Variants in OSBP2 observed in about 807,000 individuals in gnomAD.
The protein encoded by OSBP2 is oxysterol binding protein 2, also known as oxysterol-binding protein 2.
OSBP2 carries 66 observed loss-of-function variants against 96.0 expected under a neutral mutation model. That is an observed-to-expected ratio of 0.69 (90% CI 0.56 to 0.84). The LOEUF is 0.84. Among genes scored for constraint, OSBP2 ranks in the 40% least tolerant of loss-of-function variants. OSBP2 has a pLI of 0.00. For missense variants in OSBP2, 1,038 were observed against 1,222.7 expected (o/e 0.85, Z 2.25); for synonymous variants, 525 against 520.9 (o/e 1.01, Z -0.11).
intron 2 of OSBP2, among the ~76,000 whole-genome samples, chr22:30,779,046 A>T (rs1212128674): frequency 1.3e-5 from 2 of 151,624 alleles, no homozygotes; most frequent in Non-Finnish European, 2.9e-5. Flanking sequence ...AAAAAAAAAA[A>T]ATACTGATTT....
intron 2 of OSBP2, among the ~76,000 whole-genome samples, chr22:30,867,972 C>T (rs750096784): frequency 2.2e-4 from 33 of 152,236 alleles, no homozygotes; most frequent in Non-Finnish European, 4.6e-4. Flanking sequence ...TGGAAGATGA[C>T]GTGTGCCTCA....
rs149347419 is a variant in OSBP2 at position 30,743,417 on chromosome 22, C to T, written c.853+2048C>T. Among the ~76,000 whole-genome samples, 476 of 152,296 alleles carry T rather than the reference C, an allele frequency of 3.1e-3. 4 individuals carry two copies. The highest frequency in any genetic ancestry group is 5.8e-3 in the Non-Finnish European group (397 of 68,032). On this transcript the variant is annotated intron_variant, in intron 2 of 13. Coordinates refer to ENST00000332585, the MANE Select transcript of OSBP2 (RefSeq NM_030758.4). ...GAGGTGTCAGCACTCATGTAGCTCT[C>T]GTATGTCAGCAATGATGCTGAGCTT... is the stretch of plus-strand genomic sequence containing the variant.
intron 2 of OSBP2, among the ~76,000 whole-genome samples, chr22:30,823,830 G>A (rs1045932571): frequency 6.6e-6 from 1 of 152,228 alleles, no homozygotes; most frequent in Non-Finnish European, 1.5e-5. Context: ...TGGTTTTAGA[G>A]GATTGGTCTT....
At chr22:30,701,634 C>T (rs773758058) in intron 1 of OSBP2, among the ~76,000 whole-genome samples, 13 of 152,144 alleles carry the variant, frequency 8.5e-5, no homozygotes, top group African/African-American at 2.9e-4. Context: ...TGAGCCACCA[C>T]GCCCAGCCTT....
chr22:30,696,953 C>T (rs925684284), intron 1 of OSBP2, among the ~76,000 whole-genome samples: 5 of 152,046 alleles, frequency 3.3e-5, no homozygotes, highest in East Asian at 3.9e-4. Context: ...GCCACCACAC[C>T]GGCCTCTCCT....
chr22:30,767,550 T>C (rs1331102599), intron 2 of OSBP2, among the ~76,000 whole-genome samples: 1 of 151,906 alleles, frequency 6.6e-6, no homozygotes, highest in Non-Finnish European at 1.5e-5. Flanking sequence ...AATTCCTTTT[T>C]TTTTTTTTTT....
intron 2 of OSBP2, among the ~76,000 whole-genome samples, chr22:30,858,521 C>G (rs1271637542): frequency 6.6e-6 from 1 of 151,902 alleles, no homozygotes; most frequent in African/African-American, 2.4e-5. Context: ...CTGGACTCTT[C>G]CTAACCCCAC....
intron 1 of OSBP2, among the ~76,000 whole-genome samples, chr22:30,733,828 G>A (rs2089814762): frequency 1.3e-5 from 2 of 152,292 alleles, no homozygotes; most frequent in East Asian, 1.9e-4. Flanking sequence ...GAGAATCGGT[G>A]TAGTTAACTT....
At chr22:30,900,241 C>T (rs1297465186) in intron 12 of OSBP2, among the ~76,000 whole-genome samples, 7 of 146,964 alleles carry the variant, frequency 4.8e-5, no homozygotes, top group Non-Finnish European at 8.9e-5. Flanking sequence ...GCAACAAGAG[C>T]GAAACTCCAT....
intron 2 of OSBP2, among the ~76,000 whole-genome samples, chr22:30,768,456 C>T (rs2090305753): frequency 6.6e-6 from 1 of 152,126 alleles, no homozygotes; most frequent in Non-Finnish European, 1.5e-5. Context: ...GCGGGCAGAT[C>T]ACCTGAGGTC....
At chr22:30,749,733 A>G (rs1003225902) in intron 2 of OSBP2, among the ~76,000 whole-genome samples, 10 of 152,032 alleles carry the variant, frequency 6.6e-5, no homozygotes, top group South Asian at 4.1e-4. Flanking sequence ...TCAACCCTCC[A>G]AGTATCTGAG....
intron 2 of OSBP2, among the ~76,000 whole-genome samples, chr22:30,861,070 C>T (rs557338048): frequency 1.3e-5 from 2 of 152,186 alleles, no homozygotes; most frequent in South Asian, 2.1e-4. Flanking sequence ...CCTGGTTCCC[C>T]CAGTGAAAGG....
At chr22:30,902,123 AACGAAAAAAAAAAAAC>A (rs1489201237) in intron 12 of OSBP2, 6,183 of 211,900 alleles carry the variant, frequency 0.029, 20 homozygotes, top group East Asian at 0.061. Context: ...AAAAAAAAAA[AACGAAAAAAAAAAAAC>A]CAAAAAAAAA....
intron 2 of OSBP2, among the ~76,000 whole-genome samples, chr22:30,791,617 G>A (rs918283760): frequency 1.3e-5 from 2 of 152,130 alleles, no homozygotes; most frequent in African/African-American, 2.4e-5. Flanking sequence ...GAGAGCCACC[G>A]TGCCCCGCTC....
chr22:30,704,771 C>T (rs1205250652), intron 1 of OSBP2, among the ~76,000 whole-genome samples: 1 of 152,094 alleles, frequency 6.6e-6, no homozygotes, highest in Admixed American at 6.6e-5. Context: ...CCATAAATCA[C>T]ATCGTTTGTA....
intron 2 of OSBP2, among the ~76,000 whole-genome samples, chr22:30,824,394 G>C (rs1281809717): frequency 6.6e-6 from 1 of 152,094 alleles, no homozygotes; most frequent in Non-Finnish European, 1.5e-5. Flanking sequence ...CCATGTCGGA[G>C]ACCCTAGGGG....
At chr22:30,865,961 G>T (rs1176945795) in intron 2 of OSBP2, among the ~76,000 whole-genome samples, 1 of 152,324 alleles carries the variant, frequency 6.6e-6, no homozygotes, top group East Asian at 1.9e-4. Context: ...AGAGGGACTT[G>T]TGAGGCCTCG....
chr22:30,729,411 G>A (rs1398111350), intron 1 of OSBP2, among the ~76,000 whole-genome samples: 1 of 152,190 alleles, frequency 6.6e-6, no homozygotes, highest in African/African-American at 2.4e-5. Context: ...GCCAAGGTGG[G>A]AGGATCACCT....
At chr22:30,758,400 C>CA (rs1472719028) in intron 2 of OSBP2, among the ~76,000 whole-genome samples, 3 of 151,802 alleles carry the variant, frequency 2.0e-5, no homozygotes, top group African/African-American at 7.3e-5. Flanking sequence ...GACTCTGTCT[C>CA]AAAAATAAAA....
Sources: gnomAD v4.1 joint callset for allele counts (sites outside exome capture counted in the v4.1 genomes callset) on GRCh38, gnomAD v4.1.1 for gene constraint, MANE v1.5 for transcripts, NCBI Gene and HGNC (gene_info 2026-07-23, HGNC 2026-07-21) for gene names.